Variants in GLT1D1 observed in about 807,000 individuals in gnomAD.
The protein encoded by GLT1D1 is glycosyltransferase 1 domain containing 1.
GLT1D1 carries 21 observed loss-of-function variants against 28.7 expected under a neutral mutation model. The ratio of observed to expected loss-of-function variants is 0.73; its 90% CI spans 0.52 to 1.05. The LOEUF is 1.05. GLT1D1 is among the 50% of genes least tolerant of loss of function. The pLI is 0.00. For missense variants in GLT1D1, 343 were observed against 330.6 expected, an observed-to-expected ratio of 1.04 and a Z score of -0.29; for synonymous variants, 147 against 124.8, an observed-to-expected ratio of 1.18 and a Z score of -1.19.
At chr12:128,891,875 A>T (rs1353008455) in intron 3 of GLT1D1, among the ~76,000 whole-genome samples, 1 of 152,130 alleles carries the variant, frequency 6.6e-6, no homozygotes, top group African/African-American at 2.4e-5. Context: ...CGCACTCATG[A>T]CCCAGCCTCA....
chr12:128,912,825 C>T (rs1871686318), intron 4 of GLT1D1, among the ~76,000 whole-genome samples: 1 of 151,198 alleles, frequency 6.6e-6, no homozygotes, highest in Admixed American at 6.6e-5. Flanking sequence ...AGCCGCCATG[C>T]CCAGCTGATT....
chr12:128,854,847 C>T (rs1474578029), intron 1 of GLT1D1, among the ~76,000 whole-genome samples: 1 of 152,130 alleles, frequency 6.6e-6, no homozygotes. Context: ...TTTCATGTCC[C>T]TTTCAGCTAA....
intron 7 of GLT1D1, among the ~76,000 whole-genome samples, chr12:128,977,888 T>A (rs142228196): frequency 0.021 from 3,152 of 151,098 alleles, 41 homozygotes; most frequent in Middle Eastern, 0.041. Flanking sequence ...GTTCAAGCGA[T>A]CCTCCTACCT....
chr12:128,900,534 A>G (rs1335367527), intron 4 of GLT1D1, among the ~76,000 whole-genome samples: 3 of 152,150 alleles, frequency 2.0e-5, no homozygotes, highest in African/African-American at 4.8e-5. Context: ...TCCCAGGCAG[A>G]GCATGGAGGT....
chr12:128,930,667 A>G (rs1873762215), intron 4 of GLT1D1, among the ~76,000 whole-genome samples: 1 of 152,158 alleles, frequency 6.6e-6, no homozygotes, highest in African/African-American at 2.4e-5. Flanking sequence ...TGGATCAGGA[A>G]GCTGGTACGG....
chr12:128,914,488 C>T (rs898956014), intron 4 of GLT1D1, among the ~76,000 whole-genome samples: 8 of 152,102 alleles, frequency 5.3e-5, no homozygotes, highest in South Asian at 2.1e-4. Flanking sequence ...GAGCATCGAG[C>T]GGCTTTATAA....
At chr12:128,973,179 G>GTTGTTTTTTTTTTTTTTTTTTTTTT (rs1879368598) in intron 7 of GLT1D1, among the ~76,000 whole-genome samples, 1 of 50,958 alleles carries the variant, frequency 2.0e-5, no homozygotes, top group Non-Finnish European at 4.0e-5. Flanking sequence ...TGTTTGCTTG[G>GTTGTTTTTTTTTTTTTTTTTTTTTT]TTTTTTTTTT....
At chr12:128,925,039 T>C (rs906981065) in intron 4 of GLT1D1, among the ~76,000 whole-genome samples, 13 of 151,608 alleles carry the variant, frequency 8.6e-5, no homozygotes, top group Non-Finnish European at 1.5e-4. Context: ...AATTGTTTTT[T>C]GTTTTTTTTT....
chr12:128,927,574 T>G (rs564108883), intron 4 of GLT1D1, among the ~76,000 whole-genome samples: 12 of 152,142 alleles, frequency 7.9e-5, no homozygotes, highest in Non-Finnish European at 1.3e-4. Flanking sequence ...TTTTCCTCTT[T>G]TTAAGTAAAT....
intron 4 of GLT1D1, among the ~76,000 whole-genome samples, chr12:128,933,886 C>T (rs1200062524): frequency 2.0e-5 from 3 of 152,114 alleles, no homozygotes; most frequent in East Asian, 1.9e-4. Context: ...GACTAGGGCA[C>T]GTGCTGAAGA....
chr12:128,971,470 G>GCCTC (rs148382314), intron 7 of GLT1D1, among the ~76,000 whole-genome samples: 1 of 91,250 alleles, frequency 1.1e-5, no homozygotes, highest in Admixed American at 1.2e-4. Flanking sequence ...CCCTCCCTCT[G>GCCTC]CCTCCCTCCC....
chr12:128,973,640 C>T (rs1438803302), intron 7 of GLT1D1, among the ~76,000 whole-genome samples: 2 of 152,056 alleles, frequency 1.3e-5, no homozygotes, highest in African/African-American at 2.4e-5. Flanking sequence ...TCTCCCGGTC[C>T]CCCTCTTCCC....
chr12:128,975,137 G>T (rs575252552), intron 7 of GLT1D1, among the ~76,000 whole-genome samples: 1 of 152,140 alleles, frequency 6.6e-6, no homozygotes, highest in Admixed American at 6.5e-5. Flanking sequence ...TTAGATACAC[G>T]CTCAGGCATT....
intron 6 of GLT1D1, among the ~76,000 whole-genome samples, chr12:128,951,201 G>A (rs1236920522): frequency 4.6e-5 from 7 of 152,030 alleles, no homozygotes; most frequent in Admixed American, 4.6e-4. Flanking sequence ...TCAGGAGTTC[G>A]AGACCAGCCT....
chr12:128,957,164 C>T (rs534151905), intron 6 of GLT1D1, among the ~76,000 whole-genome samples: 1 of 152,272 alleles, frequency 6.6e-6, no homozygotes, highest in Admixed American at 6.5e-5. Flanking sequence ...TACTCCCTTG[C>T]CTGTGCTGGA....
chr12:128,883,586 TC>T (rs1303341701), intron 2 of GLT1D1, among the ~76,000 whole-genome samples: 39 of 117,734 alleles, frequency 3.3e-4, no homozygotes, highest in African/African-American at 1.3e-3. Context: ...CTAGACTCCA[TC>T]TCAAAAAAAA....
chr12:128,872,911 G>GAA (rs1956735139), intron 1 of GLT1D1, among the ~76,000 whole-genome samples: 1 of 151,462 alleles, frequency 6.6e-6, no homozygotes, highest in Non-Finnish European at 1.5e-5. Flanking sequence ...CTTTCATTTT[G>GAA]AGACAGGGTC....
At chr12:128,947,043 G>T (rs183433285) in intron 5 of GLT1D1, among the ~76,000 whole-genome samples, 439 of 152,294 alleles carry the variant, frequency 2.9e-3, no homozygotes, top group African/African-American at 9.8e-3. Context: ...TCTAAATCAT[G>T]CAGAGAAAAT....
chr12:128,955,940 C>T (rs1019588597), intron 6 of GLT1D1, among the ~76,000 whole-genome samples: 6 of 151,592 alleles, frequency 4.0e-5, no homozygotes, highest in African/African-American at 1.5e-4. Flanking sequence ...CCAATAAACC[C>T]ATCACAAGTT....
Sources: allele counts gnomAD v4.1 joint callset (sites outside exome capture counted in the v4.1 genomes callset), GRCh38; gene constraint gnomAD v4.1.1; transcripts MANE v1.5; gene names NCBI Gene and HGNC (gene_info 2026-07-23, HGNC 2026-07-21).